UNC13B: variants seen among roughly 807,000 people sequenced by gnomAD.
UNC13B encodes the protein unc-13 homolog B.
UNC13B carries 144 observed loss-of-function variants against 211.0 expected under a neutral mutation model. The observed-to-expected ratio is 0.68, with a 90% confidence interval of 0.60 to 0.78. UNC13B has a LOEUF of 0.78. Ranked by LOEUF, UNC13B falls within the 30% of genes least tolerant of loss-of-function variation. The pLI is 0.00. For missense variants in UNC13B, 1,777 were observed against 2,002.0 expected, an observed-to-expected ratio of 0.89 and a Z score of 2.14; for synonymous variants, 709 against 725.8, an observed-to-expected ratio of 0.98 and a Z score of 0.37.
chr9:35,184,810 GGGGGGAGA>G (rs1337647265), intron 1 of UNC13B, among the ~76,000 whole-genome samples: 24 of 105,666 alleles, frequency 2.3e-4, no homozygotes, highest in African/African-American at 6.3e-4. Flanking sequence ...GCGGGGGGGG[GGGGGGAGA>G]GAGAGAGAGA....
chr9:35,340,266 T>C (rs1187022281), intron 11 of UNC13B, among the ~76,000 whole-genome samples: 1 of 152,172 alleles, frequency 6.6e-6, no homozygotes, highest in Admixed American at 6.5e-5. Flanking sequence ...CTGCTGTTAG[T>C]GTTGGCTGTG....
At chr9:35,398,340 C>T (rs2132359368) in intron 31 of UNC13B, 52 bp downstream of exon 31, 1 of 1,577,554 alleles carries the variant, frequency 6.3e-7, no homozygotes, top group East Asian at 2.3e-5. Context: ...TCCTGAGCTC[C>T]TTGGCCATAG....
chr9:35,165,325 T>C (rs1587267406), intron 1 of UNC13B, among the ~76,000 whole-genome samples: 2 of 152,102 alleles, frequency 1.3e-5, no homozygotes, highest in East Asian at 1.9e-4. Context: ...ATGGGCTATG[T>C]AGATTTTTTG....
intron 11 of UNC13B, among the ~76,000 whole-genome samples, chr9:35,347,800 G>A (rs1832459622): frequency 6.6e-6 from 1 of 152,236 alleles, no homozygotes; most frequent in Admixed American, 6.5e-5. Flanking sequence ...AGGCAGCTCT[G>A]CCTTCAGTCT....
Position 35,394,219 on chromosome 9 carries a change from A to G in UNC13B, c.11309-2257A>G, listed in dbSNP as rs547364108. 2.6e-5 allele frequency among the ~76,000 whole-genome samples: 4 copies of G among 152,228 alleles called. 1 individual carries two copies. The highest frequency in any genetic ancestry group is 2.6e-4 in the Admixed American group (4 of 15,294). Reference sequence around the variant, plus strand: ...ACAAGAGGGTAAGATTAGTTGGTGTACTCTGTTCCACTTCAGCTGGAGATT... The same window carrying G: ...ACAAGAGGGTAAGATTAGTTGGTGTGCTCTGTTCCACTTCAGCTGGAGATT... On this transcript the variant is annotated intron_variant, in intron 26 of 39. Coordinates refer to ENST00000635942, the MANE Select transcript of UNC13B (RefSeq NM_001371189.2).
chr9:35,237,593 G>T, intron 4 of UNC13B, 110 bp from the exon 5 acceptor site: 1 of 1,390,568 alleles, frequency 7.2e-7, no homozygotes, highest in Non-Finnish European at 9.9e-7. Flanking sequence ...ATCAGGATGT[G>T]AATGGCCCTC....
intron 7 of UNC13B, among the ~76,000 whole-genome samples, chr9:35,289,032 A>G (rs1587547779): frequency 6.7e-6 from 1 of 149,608 alleles, no homozygotes; most frequent in Non-Finnish European, 1.5e-5. Flanking sequence ...CCCTCCCCCC[A>G]TGGTTAGAAA....
intron 11 of UNC13B, among the ~76,000 whole-genome samples, chr9:35,314,691 C>T (rs1051488454): frequency 1.3e-5 from 2 of 151,736 alleles, no homozygotes; most frequent in African/African-American, 2.4e-5. Flanking sequence ...TTTCCTTACC[C>T]GCTTCCACCC....
intron 7 of UNC13B, among the ~76,000 whole-genome samples, chr9:35,280,156 CAGA>C (rs923454934): frequency 1.3e-5 from 2 of 152,148 alleles, no homozygotes; most frequent in African/African-American, 4.8e-5. Flanking sequence ...GCTGAGGTGA[CAGA>C]AGAAGAAGCA....
intron 9 of UNC13B, 119 bp downstream of exon 9, chr9:35,308,531 ACCCG>A: frequency 2.5e-6 from 1 of 396,748 alleles, no homozygotes; most frequent in Non-Finnish European, 4.4e-6. Context: ...CTTTCCTAGT[ACCCG>A]AGCTTCATGT....
At chr9:35,366,313 G>A (rs1395450947) in intron 11 of UNC13B, among the ~76,000 whole-genome samples, 1 of 152,196 alleles carries the variant, frequency 6.6e-6, no homozygotes, top group East Asian at 1.9e-4. Flanking sequence ...ATTATTTGGT[G>A]TCTCAAGTTT....
intron 11 of UNC13B, among the ~76,000 whole-genome samples, chr9:35,340,537 G>A (rs1025523849): frequency 5.3e-5 from 8 of 152,194 alleles, no homozygotes; most frequent in African/African-American, 1.9e-4. Context: ...CTGACTACCT[G>A]GTTTGTGGGC....
rs1829992189 is a variant in UNC13B at position 35,307,653 on chromosome 9, C to G, written c.8249C>G (p.Pro2750Arg). ...CEIIHAQKDP[P>R]VVPQETEQSR... ...ATAATTCATGCCCAGAAAGATCCAC[C>G]TGTAGTACCCCAGGAAACAGAGCAG... is the stretch of plus-strand genomic sequence containing the variant. The change falls in exon 9 of 40, where the codon CCT (proline) becomes CGT (arginine). Residue 2750 changes from proline (P) to arginine (R), a missense_variant. Pro to Arg is a moderately radical substitution (Grantham distance 103, BLOSUM62 -2). Transcript: ENST00000635942. 2.5e-6 allele frequency: 1 copy of G among 398,944 alleles called. No homozygotes were observed. The highest frequency in any genetic ancestry group is 2.1e-5 in the African/African-American group (1 of 48,612). The allele number at this position is 398,944 out of a possible 1,614,324, so 24.7% of individuals were successfully genotyped here. A position where few individuals can be genotyped will look rare whatever the true frequency, so the allele number is the denominator to read the frequency against.
intron 11 of UNC13B, 146 bp from the exon 12 acceptor site, chr9:35,366,801 A>G: frequency 1.5e-6 from 1 of 671,014 alleles, no homozygotes; most frequent in Non-Finnish European, 2.7e-6. Flanking sequence ...TGATCAGGAC[A>G]TTGGTTTAGA....
At position 35,403,502 on chromosome 9, in the gene UNC13B, A is replaced by G; in HGVS notation, c.12640A>G (p.Thr4214Ala). 6.2e-7 allele frequency: 1 copy of G among 1,614,114 alleles called. No individual in the cohort carries two copies. Among genetic ancestry groups the G allele is most frequent in the Non-Finnish European group, 8.5e-7 (1 of 1,180,018 alleles). Residue 4214 changes from threonine to alanine, a missense_variant, in exon 39 of 40, where the codon ACT (threonine) becomes GCT (alanine). By Grantham distance (58) the Thr-to-Ala change is moderately conservative. Coordinates refer to ENST00000635942, the MANE Select transcript of UNC13B (RefSeq NM_001371189.2). ...TATGTTCCGGCCTTTCGTGGAGGTG[A>G]CTATGGTTGGCCCACACCAAAGTGA... is the stretch of plus-strand genomic sequence containing the variant. Reference protein sequence around the residue: ...AGMFRPFVEVTMVGPHQSDKK... With the variant: ...AGMFRPFVEVAMVGPHQSDKK...
chr9:35,295,809 C>T lies in UNC13B; in HGVS notation c.640C>T (p.His214Tyr), dbSNP rs1374754333. 1 of 1,614,062 alleles carries T rather than the reference C, an allele frequency of 6.2e-7. No individual in the cohort carries two copies. The change falls in exon 8 of 40, where the codon CAC (histidine) becomes TAC (tyrosine). Residue 214 changes from histidine (H) to tyrosine (Y), a missense_variant. Transcript: ENST00000635942. ...HTASQPNASV[H>Y]QFPVPVRSPQ... ...AGCTTCCCAGCCCAACGCTTCTGTG[C>T]ACCAGTTCCCTGTGCCGGTGCGATC...
chr9:35,281,248 C>CAAAAA lies in UNC13B; in HGVS notation c.527-14434_527-14430dup, dbSNP rs74176713. Among the ~76,000 whole-genome samples, 70 of 117,298 alleles carry CAAAAA rather than the reference C, an allele frequency of 6.0e-4. No individual in the cohort carries two copies. In the South Asian group the frequency reaches 0.014, roughly 24 times the overall value. The allele number at this position is 117,298 out of a possible 152,430, so 77.0% of individuals were successfully genotyped here. The stretch of plus-strand genomic sequence containing the variant: ...CTGGTGACAGAGCAAGACTCTATCT[C>CAAAAA]AAAAAAAAAAAAAAAAAATTAGCTG... On this transcript the variant is annotated intron_variant, in intron 7 of 39. Coordinates refer to ENST00000635942, the MANE Select transcript of UNC13B (RefSeq NM_001371189.2).
chr9:35,397,586 G>C, intron 29 of UNC13B, 49 bp from the exon 30 acceptor site: 1 of 1,573,184 alleles, frequency 6.4e-7, no homozygotes, highest in East Asian at 2.3e-5. Flanking sequence ...GATCCCCATA[G>C]AAGAGCTAAG....
At chr9:35,326,993 T>A (rs1461754367) in intron 11 of UNC13B, among the ~76,000 whole-genome samples, 3 of 152,224 alleles carry the variant, frequency 2.0e-5, no homozygotes, top group Non-Finnish European at 4.4e-5. Context: ...TTGCAAATAT[T>A]TTCTCCTACT....
Sources: allele counts gnomAD v4.1 joint callset (sites outside exome capture counted in the v4.1 genomes callset), GRCh38; gene constraint gnomAD v4.1.1; transcripts MANE v1.5; gene names NCBI Gene and HGNC (gene_info 2026-07-23, HGNC 2026-07-21).